Variants in RALGAPB observed in about 807,000 individuals in gnomAD.
The protein encoded by RALGAPB is ral GTPase-activating protein subunit beta.
In RALGAPB, 25 loss-of-function variants were observed where a neutral mutation model predicts 161.1. That is an observed-to-expected ratio of 0.16 (90% confidence interval 0.11 to 0.22). The LOEUF (loss-of-function observed/expected upper bound fraction) is 0.22, where lower values mean the gene tolerates loss of function less well. RALGAPB is among the 10% of genes least tolerant of loss of function. The probability of loss-of-function intolerance (pLI) is 1.00; values close to 1 mark genes in which losing one functional copy is unlikely to be tolerated. For missense variants in RALGAPB, 1,391 were observed against 1,815.2 expected (o/e 0.77, Z 4.25); for synonymous variants, 629 against 626.1 (o/e 1.00, Z -0.07).
rs776492394 is a variant in RALGAPB, at chr20:38,509,167, G to A, written c.831G>A (p.Glu277=). 8 of 1,613,796 alleles carry A rather than the reference G, an allele frequency of 5.0e-6. No homozygotes were observed. Among genetic ancestry groups the A allele is most frequent in the African/African-American group, 1.3e-5 (1 of 74,928 alleles). Residue 277 remains glutamate, a synonymous_variant, in exon 6 of 30, where the codon GAG becomes GAA. Coordinates refer to ENST00000262879, the MANE Select transcript of RALGAPB (RefSeq NM_020336.4). ...ASLIPPEMDN[E]CVAQTWFRFL... is the part of the protein sequence containing the mutation. Reference sequence around the variant, plus strand: ...TGATCCCTCCAGAAATGGATAATGAGTGTGTTGCACAGACATGGTTTCGCT... The same window carrying A: ...TGATCCCTCCAGAAATGGATAATGAATGTGTTGCACAGACATGGTTTCGCT...
chr20:38,502,042 A>G (rs554676602), intron 5 of RALGAPB, among the ~76,000 whole-genome samples: 1 of 152,372 alleles, frequency 6.6e-6, no homozygotes, highest in South Asian at 2.1e-4. Context: ...TACCATTTGC[A>G]GTAATGTAAA....
At chr20:38,524,099 G>T (rs2086381051) in intron 10 of RALGAPB, among the ~76,000 whole-genome samples, 1 of 152,172 alleles carries the variant, frequency 6.6e-6, no homozygotes, top group Non-Finnish European at 1.5e-5. Context: ...TAACAGTGCA[G>T]CTGCTGTTGA....
chr20:38,549,782 T>C (rs960791780), intron 20 of RALGAPB, among the ~76,000 whole-genome samples: 1 of 151,576 alleles, frequency 6.6e-6, no homozygotes, highest in Non-Finnish European at 1.5e-5. Context: ...TGGATTTCCT[T>C]CCCTTTTTTT....
intron 26 of RALGAPB, among the ~76,000 whole-genome samples, chr20:38,567,753 G>T (rs888398664): frequency 6.6e-6 from 1 of 152,200 alleles, no homozygotes; most frequent in Non-Finnish European, 1.5e-5. Flanking sequence ...GGTCAGAAGT[G>T]TAGGAAGATT....
chr20:38,554,169 TA>T (rs202236409), intron 22 of RALGAPB, 93 bp downstream of exon 22: 63,761 of 839,820 alleles, frequency 0.076, 701 homozygotes, highest in African/African-American at 0.17. Flanking sequence ...AGAAGCGAAT[TA>T]AAAAAAAAAA....
intron 10 of RALGAPB, among the ~76,000 whole-genome samples, chr20:38,524,116 G>A (rs2086381362): frequency 6.6e-6 from 1 of 152,262 alleles, no homozygotes; most frequent in South Asian, 2.1e-4. Context: ...TTGAATAACG[G>A]GAGATTGAAT....
chr20:38,551,347 A>G, intron 21 of RALGAPB, 124 bp downstream of exon 21: 1 of 1,106,318 alleles, frequency 9.0e-7, no homozygotes, highest in Non-Finnish European at 1.3e-6. Context: ...GGCCTCCATC[A>G]TCCAGGAGGT....
chr20:38,535,258 G>C (rs897578823), intron 16 of RALGAPB, 51 bp downstream of exon 16: 6 of 1,585,292 alleles, frequency 3.8e-6, no homozygotes, highest in Non-Finnish European at 4.3e-6. Flanking sequence ...GGCCTTGGCT[G>C]TTTTTTCTGT....
rs1157281865 is a variant in RALGAPB, at chr20:38,499,535, T to A, written c.642T>A (p.Pro214=). 4.3e-6 allele frequency: 7 copies of A among 1,613,910 alleles called. No individual in the cohort carries two copies. In the East Asian group the frequency reaches 1.6e-4, roughly 36 times the overall value. The change falls in exon 5 of 30, where the codon CCT becomes CCA. Residue 214 remains proline, a synonymous_variant. Coordinates refer to ENST00000262879, the MANE Select transcript of RALGAPB (RefSeq NM_020336.4). Reference sequence around the variant, plus strand: ...CTTGTACTCGGTGCTTCCCAACACCTCCTTATTGGAAAACAGCCAAGGAGA... The same window carrying A: ...CTTGTACTCGGTGCTTCCCAACACCACCTTATTGGAAAACAGCCAAGGAGA... The part of the protein sequence containing the change: ...LLACTRCFPT[P]PYWKTAKEMV...
intron 5 of RALGAPB, among the ~76,000 whole-genome samples, chr20:38,508,537 A>C (rs1212107988): frequency 3.3e-5 from 5 of 152,160 alleles, no homozygotes; most frequent in African/African-American, 1.2e-4. Context: ...GGACAGCAGG[A>C]AGTAACAGTA....
intron 5 of RALGAPB, among the ~76,000 whole-genome samples, chr20:38,502,901 T>G (rs1484187386): frequency 6.6e-6 from 1 of 152,190 alleles, no homozygotes; most frequent in Non-Finnish European, 1.5e-5. Flanking sequence ...CCACTGCGCC[T>G]GGCCCTTTTT....
At chr20:38,503,285 A>AT (rs2085650181) in intron 5 of RALGAPB, among the ~76,000 whole-genome samples, 1 of 152,140 alleles carries the variant, frequency 6.6e-6, no homozygotes, top group Admixed American at 6.5e-5. Context: ...TTATACATAG[A>AT]TTTTTCAACT....
intron 6 of RALGAPB, among the ~76,000 whole-genome samples, chr20:38,514,563 A>G (rs2086070122): frequency 6.6e-6 from 1 of 152,142 alleles, no homozygotes; most frequent in Non-Finnish European, 1.5e-5. Flanking sequence ...AGGATTTTTT[A>G]TGATTGTGAT....
intron 1 of RALGAPB, among the ~76,000 whole-genome samples, chr20:38,486,361 T>A (rs1404284231): frequency 6.6e-6 from 1 of 152,200 alleles, no homozygotes; most frequent in East Asian, 1.9e-4. Flanking sequence ...AATGAAAATT[T>A]CTTACATTTA....
At position 38,528,972 on chromosome 20, in the gene RALGAPB, G is replaced by A. The variant is rs145410724; in HGVS notation, c.2051-2195G>A. On this transcript the variant is annotated intron_variant, in intron 13 of 29. Transcript: ENST00000262879. ...GCTGGGATTATAGGCATGAACCAAT[G>A]CACCTGGCCAGAATTAAGGAATTTT... 8.5e-3 allele frequency among the ~76,000 whole-genome samples: 1,293 copies of A among 152,214 alleles called. 8 individuals are homozygous for A. The highest frequency in any genetic ancestry group is 0.013 in the Non-Finnish European group (900 of 68,016).
At chr20:38,554,116 G>A in intron 22 of RALGAPB, 40 bp downstream of exon 22, 1 of 1,467,406 alleles carries the variant, frequency 6.8e-7, no homozygotes, top group Non-Finnish European at 9.5e-7. Context: ...ATATTCACAA[G>A]TTAACATTCA....
intron 1 of RALGAPB, among the ~76,000 whole-genome samples, chr20:38,478,748 C>G (rs2084878785): frequency 6.6e-6 from 1 of 152,146 alleles, no homozygotes; most frequent in Non-Finnish European, 1.5e-5. Context: ...TCCTGAGTAG[C>G]TGGGATTACA....
intron 7 of RALGAPB, 34 bp downstream of exon 7, chr20:38,516,404 A>C (rs1177475383): frequency 7.6e-6 from 12 of 1,572,894 alleles, no homozygotes; most frequent in Non-Finnish European, 1.0e-5. Flanking sequence ...ATGTATGAAG[A>C]GCTTCATTTA....
chr20:38,479,375 T>C (rs1650159949), intron 1 of RALGAPB, among the ~76,000 whole-genome samples: 1 of 152,250 alleles, frequency 6.6e-6, no homozygotes, highest in Non-Finnish European at 1.5e-5. Context: ...GCTTGTTGCA[T>C]AGAAGGCATG....
Sources: gnomAD v4.1 joint callset for allele counts (sites outside exome capture counted in the v4.1 genomes callset) on GRCh38, gnomAD v4.1.1 for gene constraint, MANE v1.5 for transcripts, NCBI Gene and HGNC (gene_info 2026-07-23, HGNC 2026-07-21) for gene names.